The following TCF4 variants were observed in gnomAD, a reference collection of about 807,000 sequenced individuals.
TCF4 encodes SL3-3 enhancer factor 2.
In TCF4, 3 loss-of-function variants were observed where a neutral mutation model predicts 82.1. The observed-to-expected ratio is 0.04, with a 90% CI of 0.02 to 0.09. The LOEUF is 0.09. Ranked by LOEUF, TCF4 falls within the 10% of genes least tolerant of loss-of-function variation. The pLI is 1.00. For missense variants in TCF4, 518 were observed against 852.7 expected (o/e 0.61, Z 4.89); for synonymous variants, 276 against 309.6 (o/e 0.89, Z 1.14).
intron 8 of TCF4, among the ~76,000 whole-genome samples, chr18:55,330,176 ATTTT>A (rs3077897): frequency 2.7e-5 from 3 of 110,446 alleles, no homozygotes; most frequent in African/African-American, 7.6e-5. Flanking sequence ...GCAATGTTGG[ATTTT>A]TTTTTTTTTT....
At position 55,557,575 on chromosome 18, in the gene TCF4, AG is replaced by A. The variant is rs1359196209; in HGVS notation, c.145+27704del. Among the ~76,000 whole-genome samples the A allele has an allele frequency of 2.0e-5, 3 of 152,224 alleles. No individual in the cohort carries two copies. In the East Asian group the frequency reaches 5.8e-4, roughly 29 times the overall value. On this transcript the variant is annotated intron_variant, in intron 3 of 19. Coordinates refer to ENST00000354452, the MANE Select transcript of TCF4 (RefSeq NM_001083962.2). ...TATATCAAGGAGGAAAATGAAAAAA[AG>A]AAAAAAATGTTCATAGCTGCTATCA...
Position 55,411,860 on chromosome 18 carries a change from C to A in TCF4, c.305-8342G>T, listed in dbSNP as rs1026974481. Among the ~76,000 whole-genome samples the A allele has an allele frequency of 5.9e-5, 9 of 152,202 alleles. No homozygotes were observed. In the South Asian group the frequency reaches 1.7e-3, roughly 28 times the overall value. On this transcript the variant is annotated intron_variant, in intron 5 of 19. Transcript: ENST00000354452. ...GATTCAAGCAATTCTCCTGCCTCAG[C>A]CTCCCGAGTAGCTGGGATTACACGC...
At chr18:55,536,005 G>C (rs964939764) in intron 3 of TCF4, among the ~76,000 whole-genome samples, 1 of 152,130 alleles carries the variant, frequency 6.6e-6, no homozygotes, top group Admixed American at 6.6e-5. Context: ...TTCTCAATCT[G>C]AGATATATTT....
At chr18:55,517,298 G>A (rs2096892422) in intron 3 of TCF4, among the ~76,000 whole-genome samples, 1 of 152,146 alleles carries the variant, frequency 6.6e-6, no homozygotes, top group Non-Finnish European at 1.5e-5. Flanking sequence ...ATGATGTGAA[G>A]AACCCTGAGC....
At chr18:55,426,066 T>C (rs983622250) in intron 5 of TCF4, among the ~76,000 whole-genome samples, 1 of 150,216 alleles carries the variant, frequency 6.7e-6, no homozygotes, top group South Asian at 2.1e-4. Flanking sequence ...AAGGGACATG[T>C]CCATCCTAAA....
In TCF4 at chr18:55,222,651, A is replaced by T. The variant is rs1383871088; in HGVS notation, c.*5384T>A. 1.3e-5 allele frequency: 2 copies of T among 152,646 alleles called. No homozygotes were observed. Among genetic ancestry groups the T allele is most frequent in the Non-Finnish European group, 2.9e-5 (2 of 68,040 alleles). The allele number at this position is 152,646 out of a possible 1,614,324, so 9.5% of individuals were successfully genotyped here. A position where few individuals can be genotyped will look rare whatever the true frequency, so the allele number is the denominator to read the frequency against. On this transcript the variant is annotated 3_prime_UTR_variant, in exon 20 of 20. Transcript: ENST00000354452. Reference sequence around the variant, plus strand: ...TACTTGATTAGAACATTCTGTTATGAAGCGCTCAGCTACCGCGGGCTTTCC... The same window carrying T: ...TACTTGATTAGAACATTCTGTTATGTAGCGCTCAGCTACCGCGGGCTTTCC...
At chr18:55,590,186 C>T (rs975791392), upstream of TCF4, among the ~76,000 whole-genome samples, 1 of 152,222 alleles carries the variant, frequency 6.6e-6, no homozygotes, top group Non-Finnish European at 1.5e-5. Context: ...GAGGAAGGCT[C>T]GGGAAAGACT....
chr18:55,503,872 C>A (rs1180508166), intron 3 of TCF4, among the ~76,000 whole-genome samples: 1 of 152,070 alleles, frequency 6.6e-6, no homozygotes, highest in Non-Finnish European at 1.5e-5. Flanking sequence ...GCCAGGAATT[C>A]GAGACCAGCC....
intron 8 of TCF4, among the ~76,000 whole-genome samples, chr18:55,301,851 C>T (rs1320751444): frequency 6.7e-6 from 1 of 150,014 alleles, no homozygotes; most frequent in Non-Finnish European, 1.5e-5. Flanking sequence ...TATCAATTCC[C>T]TTTCTCCCCC....
chr18:55,451,626 C>T (rs1429789667), intron 5 of TCF4, among the ~76,000 whole-genome samples: 1 of 152,122 alleles, frequency 6.6e-6, no homozygotes, highest in Non-Finnish European at 1.5e-5. Flanking sequence ...AAGGTGGACA[C>T]AGAAGTTTCA....
At position 55,510,063 on chromosome 18, in the gene TCF4, T is replaced by C. The variant is rs562484174; in HGVS notation, c.146-45926A>G. Among the ~76,000 whole-genome samples the C allele has an allele frequency of 1.8e-4, 28 of 152,272 alleles. No individual in the cohort carries two copies. In the South Asian group the frequency reaches 5.6e-3, roughly 30 times the overall value. ...TTCCATTTTCTGACACTGCTTTTCA[T>C]GTTTGTCTCCTTCAAGTTTCTACTA... is the stretch of plus-strand genomic sequence containing the variant. On this transcript the variant is annotated intron_variant, in intron 3 of 19. Transcript: ENST00000354452.
At chr18:55,329,239 TAATCTA>T (rs778264428) in intron 8 of TCF4, among the ~76,000 whole-genome samples, 1 of 152,210 alleles carries the variant, frequency 6.6e-6, no homozygotes, top group Non-Finnish European at 1.5e-5. Flanking sequence ...GGTCCATTCC[TAATCTA>T]AATATGGTGT....
At chr18:55,543,765 T>C (rs1032378610) in intron 3 of TCF4, among the ~76,000 whole-genome samples, 2 of 152,142 alleles carry the variant, frequency 1.3e-5, no homozygotes, top group African/African-American at 2.4e-5. Flanking sequence ...AGAGGATACA[T>C]AGTGTATTTC....
intron 8 of TCF4, among the ~76,000 whole-genome samples, chr18:55,342,007 A>G (rs1456115494): frequency 6.6e-6 from 1 of 152,218 alleles, no homozygotes; most frequent in Non-Finnish European, 1.5e-5. Flanking sequence ...GACATGTTCC[A>G]TGTTACATGG....
chr18:55,457,836 T>G (rs1400255755), intron 5 of TCF4, among the ~76,000 whole-genome samples: 2 of 152,188 alleles, frequency 1.3e-5, no homozygotes, highest in East Asian at 3.8e-4. Context: ...GCAAAACCAT[T>G]CATGTGAAAT....
At chr18:55,588,714 A>G (rs1343274699), upstream of TCF4, 4 of 1,303,296 alleles carry the variant, frequency 3.1e-6, no homozygotes, top group Non-Finnish European at 3.9e-6. Context: ...TTTTTCGTCT[A>G]TAAATCAAGC....
At chr18:55,399,253 A>G (rs28528301) in intron 6 of TCF4, among the ~76,000 whole-genome samples, 4,324 of 152,276 alleles carry the variant, frequency 0.028, 207 homozygotes, top group African/African-American at 0.096. Context: ...AATCAACTAC[A>G]TGCTTAATTT....
chr18:55,495,034 T>C (rs2096619100), intron 3 of TCF4, among the ~76,000 whole-genome samples: 1 of 151,866 alleles, frequency 6.6e-6, no homozygotes, highest in Non-Finnish European at 1.5e-5. Flanking sequence ...TACTCTCTTT[T>C]AAAAGACTAT....
chr18:55,627,670 C>T (rs573067937), intron 2 of TCF4, among the ~76,000 whole-genome samples: 75 of 149,518 alleles, frequency 5.0e-4, no homozygotes, highest in Admixed American at 9.3e-4. Context: ...AAGGCTGAGG[C>T]AGGACAATTG....
Sources: allele counts gnomAD v4.1 joint callset (sites outside exome capture counted in the v4.1 genomes callset), GRCh38; gene constraint gnomAD v4.1.1; transcripts MANE v1.5; gene names NCBI Gene and HGNC (gene_info 2026-07-23, HGNC 2026-07-21).